FAAP20: variants seen among roughly 807,000 people sequenced by gnomAD.
FAAP20 encodes Fanconi anemia core complex-associated protein 20.
A neutral mutation model predicts 16.2 loss-of-function variants in FAAP20; 12 were observed. The observed-to-expected ratio is 0.74, with a 90% CI of 0.48 to 1.20. The LOEUF is 1.20. Among genes scored for constraint, FAAP20 ranks in the 50% most tolerant of loss-of-function variants. FAAP20 has a pLI of 0.00. For synonymous variants in FAAP20, 141 were observed against 110.7 expected, an observed-to-expected ratio of 1.27 and a Z score of -1.72; for missense variants, 288 against 245.8, an observed-to-expected ratio of 1.17 and a Z score of -1.15.
downstream of FAAP20, among the ~76,000 whole-genome samples, chr1:2,186,605 C>G (rs1184973262): frequency 1.3e-5 from 2 of 149,656 alleles, no homozygotes; most frequent in Non-Finnish European, 3.0e-5. Context: ...AGTTAGAAAC[C>G]CCAGGGCAGA....
chr1:2,207,951 T>C (rs1487386596), downstream of FAAP20, among the ~76,000 whole-genome samples: 2 of 141,402 alleles, frequency 1.4e-5, no homozygotes, highest in African/African-American at 2.7e-5. Context: ...TGTGTGTGTG[T>C]GTGTCCGTGC....
At chr1:2,185,470 C>T, downstream of FAAP20, 1 of 718,480 alleles carries the variant, frequency 1.4e-6, no homozygotes, top group Non-Finnish European at 2.6e-6. Flanking sequence ...AGGGGGGCAG[C>T]TTAGGAGCCA....
chr1:2,201,181 AGAG>A, upstream of FAAP20: 2 of 1,255,326 alleles, frequency 1.6e-6, no homozygotes, highest in East Asian at 1.2e-4. Context: ...AGACCTTCAC[AGAG>A]GAGCCGTGGG....
chr1:2,197,934 C>T (rs1451505874), upstream of FAAP20: 14 of 1,239,618 alleles, frequency 1.1e-5, no homozygotes, highest in South Asian at 6.6e-5. Context: ...GCCTGCCAGC[C>T]GAGGGCCTGG....
intron 1 of FAAP20, among the ~76,000 whole-genome samples, chr1:2,194,375 G>C (rs1429587951): frequency 7.0e-6 from 1 of 141,994 alleles, no homozygotes; most frequent in African/African-American, 2.7e-5. Flanking sequence ...TCCTCAGCGG[G>C]ATGAGGCGAT....
intron 3 of FAAP20, chr1:2,206,233 C>A (rs1296074130): frequency 6.6e-6 from 1 of 152,308 alleles, no homozygotes; most frequent in Non-Finnish European, 1.5e-5. Context: ...ATCCGGGAGA[C>A]CCTGTCTCTA....
In FAAP20 at chr1:2,194,746, C is replaced by A. The variant is rs1359069338; in HGVS notation, c.4G>T (p.Glu2Ter). Residue 2 changes from glutamate (E) to a stop codon, truncating the protein, a stop_gained, in exon 1 of 4, where the codon GAG (glutamate) becomes TAG (stop). Coordinates refer to ENST00000378546, the MANE Select transcript of FAAP20 (RefSeq NM_182533.4). LOFTEE classifies it high-confidence loss of function. ...CCCAGCCGCGGCCTCCGCGCCGCCTCCATCCAAGCCCGCGCCGGGCGGAAG... is the reference window on the plus strand; with the variant it reads ...CCCAGCCGCGGCCTCCGCGCCGCCTACATCCAAGCCCGCGCCGGGCGGAAG... M[E>*]AARRPRLGLS... is the part of the protein sequence containing the mutation. The A allele has an allele frequency of 1.7e-6, 2 of 1,185,262 alleles. No homozygotes were observed. Among genetic ancestry groups the A allele is most frequent in the Non-Finnish European group, 2.1e-6 (2 of 959,488 alleles). 73.4% of individuals were successfully genotyped at this position (1,185,262 alleles called of 1,614,324 possible).
chr1:2,192,603 C>T (rs1688360014), intron 3 of FAAP20: 6 of 1,097,720 alleles, frequency 5.5e-6, no homozygotes, highest in Non-Finnish European at 6.7e-6. Flanking sequence ...GATTTCTCCC[C>T]AGGGCTCCCA....
upstream of FAAP20, among the ~76,000 whole-genome samples, chr1:2,204,512 C>G (rs927794058): frequency 1.3e-5 from 2 of 152,326 alleles, no homozygotes; most frequent in East Asian, 3.9e-4. Context: ...TTGGCGATCC[C>G]GGTGGCTCCG....
At chr1:2,187,020 C>T, downstream of FAAP20, 1 of 314,388 alleles carries the variant, frequency 3.2e-6, no homozygotes, top group Non-Finnish European at 6.8e-6. Flanking sequence ...GCTAATGGCT[C>T]CGGTCACGAC....
intron 3 of FAAP20, among the ~76,000 whole-genome samples, chr1:2,205,565 G>T (rs1689228866): frequency 6.6e-6 from 1 of 152,136 alleles, no homozygotes; most frequent in Admixed American, 6.5e-5. Context: ...TTCTGAGCGT[G>T]CAGTCGCCGC....
At chr1:2,185,897 T>TATA (rs1557769940), downstream of FAAP20, 6 of 349,250 alleles carry the variant, frequency 1.7e-5, no homozygotes. Flanking sequence ...ACCCCAGCCT[T>TATA]AAAGTTGAAC....
intron 1 of FAAP20, 76 bp from the exon 2 acceptor site, chr1:2,194,209 G>A: frequency 6.4e-7 from 1 of 1,568,772 alleles, no homozygotes. Flanking sequence ...GGGAGGGCCT[G>A]GGGCAGAGAG....
downstream of FAAP20, among the ~76,000 whole-genome samples, chr1:2,188,407 C>T (rs1231133362): frequency 1.3e-5 from 2 of 152,184 alleles, no homozygotes; most frequent in African/African-American, 2.4e-5. Flanking sequence ...GTCTCAGCTC[C>T]CGCAGCCCTA....
At chr1:2,185,273 G>A (rs1292561508), downstream of FAAP20, 8 of 716,668 alleles carry the variant, frequency 1.1e-5, no homozygotes, top group African/African-American at 1.2e-4. Context: ...CTGCCGAGGG[G>A]GCTGTCATGC....
chr1:2,189,770 A>G lies in FAAP20; in HGVS notation c.482T>C (p.Leu161Pro), dbSNP rs759556719. ...QKEFAPRLTQ[L>P]DVDSHLAQCL... ...CTGGGCCAGGTGGCTGTCAACATCC[A>G]GCTGGGTCAGCCTGCAAGGGAGGGG... Residue 161 changes from leucine (L) to proline (P), a missense_variant, in exon 4 of 4, where the codon CTG becomes CCG. Transcript: ENST00000378546. 1.9e-6 allele frequency: 3 copies of G among 1,612,544 alleles called. No homozygotes were observed. The highest frequency in any genetic ancestry group is 1.7e-6 in the Non-Finnish European group (2 of 1,179,482).
At chr1:2,188,956 A>G (rs565324124), downstream of FAAP20, among the ~76,000 whole-genome samples, 88 of 151,010 alleles carry the variant, frequency 5.8e-4, 1 homozygote, top group Non-Finnish European at 8.9e-4. Context: ...AGTGAGCCGA[A>G]ATCGCGCCAC....
upstream of FAAP20, among the ~76,000 whole-genome samples, chr1:2,201,457 C>T (rs546872635): frequency 9.2e-5 from 14 of 152,272 alleles, no homozygotes; most frequent in East Asian, 2.7e-3. Flanking sequence ...CGGTGGCTCA[C>T]ACCTGTCAAA....
Position 2,193,895 on chromosome 1 carries a change from G to C in FAAP20, c.214C>G (p.Pro72Ala). 1 of 1,612,166 alleles carries C rather than the reference G, an allele frequency of 6.2e-7. No homozygotes were observed. Among genetic ancestry groups the C allele is most frequent in the African/African-American group, 1.3e-5 (1 of 74,982 alleles). Reference sequence around the variant, plus strand: ...ACAGTGAAGACTTCAGTGGGCTCCGGGCCGCACCTGGGCTCCTGCAACACA... The same window carrying C: ...ACAGTGAAGACTTCAGTGGGCTCCGCGCCGCACCTGGGCTCCTGCAACACA... ...AFPGQEPRCGPEPTEVFTVGP... is the reference protein window; with the variant it reads ...AFPGQEPRCGAEPTEVFTVGP... Residue 72 changes from proline (P) to alanine (A), a missense_variant, in exon 3 of 4, where the codon CCG becomes GCG. By Grantham distance (27) the Pro-to-Ala change is conservative. Transcript: ENST00000378546.
Sources: allele counts gnomAD v4.1 joint callset (sites outside exome capture counted in the v4.1 genomes callset), GRCh38; gene constraint gnomAD v4.1.1; transcripts MANE v1.5; gene names NCBI Gene and HGNC (gene_info 2026-07-23, HGNC 2026-07-21).